CTNND2: variants seen among roughly 807,000 people sequenced by gnomAD.
CTNND2 encodes the protein catenin delta 2, also known as catenin delta-2.
In CTNND2, 22 loss-of-function variants were observed where a neutral mutation model predicts 144.4. That is an observed-to-expected ratio of 0.15 (90% CI 0.11 to 0.22). The LOEUF (loss-of-function observed/expected upper bound fraction) is 0.22, where lower values mean the gene tolerates loss of function less well. CTNND2 is among the 10% of genes least tolerant of loss of function. CTNND2 has a pLI of 1.00. For missense variants in CTNND2, 1,353 were observed against 1,618.8 expected (o/e 0.84, Z 2.82); for synonymous variants, 751 against 695.6 (o/e 1.08, Z -1.25).
chr5:11,585,031 G>A (rs906065940), intron 2 of CTNND2, among the ~76,000 whole-genome samples: 13 of 152,144 alleles, frequency 8.5e-5, no homozygotes, highest in African/African-American at 2.7e-4. Context: ...AGGGAGAGCT[G>A]CGGCATTACA....
At chr5:10,993,335 A>G (rs61751685) in intron 18 of CTNND2, among the ~76,000 whole-genome samples, 18,228 of 152,272 alleles carry the variant, frequency 0.12, 1,170 homozygotes, top group Non-Finnish European at 0.14. Flanking sequence ...CCGCATAAAT[A>G]TATCACAGAT....
At chr5:11,176,590 A>G (rs1230158015) in intron 11 of CTNND2, among the ~76,000 whole-genome samples, 1 of 152,134 alleles carries the variant, frequency 6.6e-6, no homozygotes, top group Non-Finnish European at 1.5e-5. Flanking sequence ...TCCTTCATGG[A>G]GTGAGATCCT....
chr5:11,648,048 A>G (rs927146539), intron 2 of CTNND2, among the ~76,000 whole-genome samples: 2 of 152,094 alleles, frequency 1.3e-5, no homozygotes, highest in Non-Finnish European at 2.9e-5. Context: ...GATTTAGTAC[A>G]TTTCTATTCT....
chr5:11,468,549 C>A (rs1413422397), intron 3 of CTNND2, among the ~76,000 whole-genome samples: 2 of 152,120 alleles, frequency 1.3e-5, no homozygotes, highest in Non-Finnish European at 2.9e-5. Flanking sequence ...GATACAGTAT[C>A]CAATATGTCT....
intron 12 of CTNND2, among the ~76,000 whole-genome samples, chr5:11,149,332 T>A (rs924621588): frequency 6.6e-6 from 1 of 152,156 alleles, no homozygotes; most frequent in Non-Finnish European, 1.5e-5. Context: ...ACATTGTTGT[T>A]CCAAAATAAG....
chr5:11,806,635 T>A (rs1290730948), intron 1 of CTNND2, among the ~76,000 whole-genome samples: 4 of 152,096 alleles, frequency 2.6e-5, no homozygotes, highest in Non-Finnish European at 5.9e-5. Context: ...CCTGGGTAAG[T>A]TCTTTAGCAT....
intron 1 of CTNND2, among the ~76,000 whole-genome samples, chr5:11,881,836 T>C (rs1736139898): frequency 1.3e-5 from 2 of 152,114 alleles, no homozygotes; most frequent in South Asian, 4.1e-4. Context: ...GCTGTACTAA[T>C]TTACATTTCC....
At position 11,332,868 on chromosome 5, in the gene CTNND2, T is replaced by C. The variant is rs144676835; in HGVS notation, c.1628+13504A>G. ...CTCTTGTGGTAGTGAATAAGTCTCA[T>C]GAGATCTGATGGTTTTATAAGGGGA... On this transcript the variant is annotated intron_variant, in intron 9 of 21. Transcript: ENST00000304623. Among the ~76,000 whole-genome samples the C allele has an allele frequency of 6.9e-4, 105 of 152,250 alleles. No individual in the cohort carries two copies. The East Asian group carries it at 0.02, about 29-fold the overall frequency.
At chr5:11,881,246 T>TA (rs1380177307) in intron 1 of CTNND2, among the ~76,000 whole-genome samples, 3 of 151,990 alleles carry the variant, frequency 2.0e-5, no homozygotes, top group African/African-American at 7.2e-5. Context: ...GTGATCAAAT[T>TA]AGAGTAACTG....
At chr5:11,639,475 G>C (rs1303995676) in intron 2 of CTNND2, among the ~76,000 whole-genome samples, 1 of 152,112 alleles carries the variant, frequency 6.6e-6, no homozygotes. Flanking sequence ...TATTCTAAAA[G>C]AGCATCTGTC....
At chr5:11,886,975 CTTTTTT>C (rs36178842) in intron 1 of CTNND2, among the ~76,000 whole-genome samples, 407 of 83,536 alleles carry the variant, frequency 4.9e-3, no homozygotes, top group Middle Eastern at 8.9e-3. Context: ...TATCCTACTG[CTTTTTT>C]TTTTTTTTTT....
intron 2 of CTNND2, among the ~76,000 whole-genome samples, chr5:11,680,956 G>A (rs574547701): frequency 1.2e-4 from 19 of 152,264 alleles, no homozygotes; most frequent in East Asian, 1.2e-3. Flanking sequence ...TGGACATGTC[G>A]AGCTTTAGCT....
intron 3 of CTNND2, among the ~76,000 whole-genome samples, chr5:11,422,367 A>C (rs560888194): frequency 3.3e-5 from 5 of 152,238 alleles, no homozygotes; most frequent in Non-Finnish European, 5.9e-5. Context: ...AGTAAAAGCC[A>C]TAAAGACCAT....
Position 11,346,519 on chromosome 5 carries a change from C to A in CTNND2, c.1481G>T (p.Gly494Val). ...ATFQRASYAA[G>V]PASNYADPYR... ...GGGGTCCGCGTAATTGGAGGCTGGG[C>A]CGGCGGCATAGCTGGCCCTCTGGAA... is the stretch of plus-strand genomic sequence containing the variant. The change falls in exon 9 of 22, where the codon GGC becomes GTC. Residue 494 changes from glycine (G) to valine (V), a missense_variant. Physicochemically the swap from Gly to Val is moderately radical, Grantham distance 109 (BLOSUM62 -3). Transcript: ENST00000304623. 6 of 1,605,706 alleles carry A rather than the reference C, an allele frequency of 3.7e-6. No individual in the cohort carries two copies. The highest frequency in any genetic ancestry group is 5.1e-6 in the Non-Finnish European group (6 of 1,176,404).
intron 11 of CTNND2, among the ~76,000 whole-genome samples, chr5:11,161,200 A>G (rs1007465441): frequency 2.6e-5 from 4 of 152,212 alleles, no homozygotes; most frequent in African/African-American, 7.2e-5. Context: ...CTTTTGTCCT[A>G]TGAAGGAATA....
intron 2 of CTNND2, among the ~76,000 whole-genome samples, chr5:11,701,652 T>G (rs1335310128): frequency 6.6e-6 from 1 of 152,102 alleles, no homozygotes; most frequent in African/African-American, 2.4e-5. Flanking sequence ...AGAACATACT[T>G]ATACATACAT....
At chr5:11,479,885 T>C (rs573798606) in intron 3 of CTNND2, among the ~76,000 whole-genome samples, 1 of 152,312 alleles carries the variant, frequency 6.6e-6, no homozygotes, top group Non-Finnish European at 1.5e-5. Flanking sequence ...ATTGGTTAAG[T>C]TCCTTATAGA....
chr5:11,898,328 G>A (rs907470313), intron 1 of CTNND2, among the ~76,000 whole-genome samples: 9 of 152,184 alleles, frequency 5.9e-5, no homozygotes, highest in Admixed American at 4.6e-4. Flanking sequence ...TGTGGTTTAT[G>A]TAATTGCATA....
chr5:11,169,058 G>T (rs974580278), intron 11 of CTNND2, among the ~76,000 whole-genome samples: 14 of 152,134 alleles, frequency 9.2e-5, no homozygotes, highest in African/African-American at 3.4e-4. Flanking sequence ...GAACTAGAGA[G>T]CTGGCTTATC....
Sources: gnomAD v4.1 joint callset for allele counts (sites outside exome capture counted in the v4.1 genomes callset) on GRCh38, gnomAD v4.1.1 for gene constraint, MANE v1.5 for transcripts, NCBI Gene and HGNC (gene_info 2026-07-23, HGNC 2026-07-21) for gene names.